BCAS1: variants seen among roughly 807,000 people sequenced by gnomAD.
BCAS1 encodes the protein breast carcinoma-amplified sequence 1.
In BCAS1, 46 loss-of-function variants were observed where a neutral mutation model predicts 65.4. That is an observed-to-expected ratio of 0.70 (90% confidence interval 0.55 to 0.90). The LOEUF (loss-of-function observed/expected upper bound fraction) is 0.90. BCAS1 is among the 40% of genes least tolerant of loss of function. The probability of loss-of-function intolerance (pLI) is 0.00; values close to 1 mark genes in which losing one functional copy is unlikely to be tolerated. For missense variants in BCAS1, 793 were observed against 771.2 expected (o/e 1.03, Z -0.33); for synonymous variants, 298 against 293.5 (o/e 1.02, Z -0.16).
intron 4 of BCAS1, among the ~76,000 whole-genome samples, chr20:54,026,891 T>C (rs1282950047): frequency 2.0e-5 from 3 of 152,232 alleles, no homozygotes; most frequent in Non-Finnish European, 2.9e-5. Flanking sequence ...GCATCTTGCA[T>C]TGCAATTGCA....
chr20:54,027,048 G>C (rs901547885), intron 4 of BCAS1, among the ~76,000 whole-genome samples: 1 of 152,134 alleles, frequency 6.6e-6, no homozygotes, highest in East Asian at 1.9e-4. Context: ...TGCATTTGGA[G>C]ACTTATTTTA....
rs114629719 is a variant in BCAS1, at chr20:53,967,245, C to T, written c.1318-172G>A. On this transcript the variant is annotated intron_variant, in intron 9 of 12. Coordinates refer to ENST00000688948, the MANE Select transcript of BCAS1 (RefSeq NM_001366298.2). ...GAGAAGTAATGCTTATGTTGTACAA[C>T]GCACCAATTTCCAAGCTCAACTGCC... 7.1e-3 allele frequency among the ~76,000 whole-genome samples: 1,077 copies of T among 152,250 alleles called. 13 individuals are homozygous for T. Among genetic ancestry groups the T allele is most frequent in the African/African-American group, 0.024 (1,008 of 41,524 alleles).
chr20:53,961,552 C>T (rs891180788), intron 10 of BCAS1, among the ~76,000 whole-genome samples: 1 of 152,168 alleles, frequency 6.6e-6, no homozygotes. Context: ...TTTAAGTAAG[C>T]CATATATTAA....
Position 54,050,360 on chromosome 20 carries a change from G to A in BCAS1, c.142+7725C>T, listed in dbSNP as rs2092189226. The stretch of plus-strand genomic sequence containing the variant: ...AAGATTAGATGTGAGCATTTGATGG[G>A]AGGAAGGGCACCGTGCCTTGTGCTG... On this transcript the variant is annotated intron_variant, in intron 3 of 12. Transcript: ENST00000688948. Among the ~76,000 whole-genome samples the A allele has an allele frequency of 2.0e-5, 3 of 152,192 alleles. No individual in the cohort carries two copies. The South Asian group carries it at 6.2e-4, about 32-fold the overall frequency.
At chr20:54,035,879 A>G (rs1439584796) in intron 3 of BCAS1, among the ~76,000 whole-genome samples, 1 of 151,330 alleles carries the variant, frequency 6.6e-6, no homozygotes, top group Non-Finnish European at 1.5e-5. Flanking sequence ...CAGCCATAAA[A>G]AGAACGAGAT....
At chr20:53,989,075 G>A (rs749293050) in intron 7 of BCAS1, among the ~76,000 whole-genome samples, 1 of 152,146 alleles carries the variant, frequency 6.6e-6, no homozygotes, top group Non-Finnish European at 1.5e-5. Flanking sequence ...CATGGTCTGT[G>A]TCTCCCCTAA....
chr20:54,054,376 T>A (rs2092265351), intron 3 of BCAS1, among the ~76,000 whole-genome samples: 1 of 152,216 alleles, frequency 6.6e-6, no homozygotes, highest in Admixed American at 6.5e-5. Flanking sequence ...TTTCTATACC[T>A]CTATACATAT....
At chr20:54,058,290 CCA>C in intron 2 of BCAS1, 136 bp from the exon 3 acceptor site, 1 of 820,474 alleles carries the variant, frequency 1.2e-6, no homozygotes, top group Non-Finnish European at 2.0e-6. Context: ...TAGAAACTCC[CCA>C]GTTTTCTATC....
At chr20:53,974,231 G>A (rs55672258) in intron 9 of BCAS1, among the ~76,000 whole-genome samples, 21,375 of 152,152 alleles carry the variant, frequency 0.14, 1,743 homozygotes, top group South Asian at 0.21. Flanking sequence ...GCCACAACCC[G>A]CTTGGGTCCC....
At chr20:54,042,573 T>C (rs193159340) in intron 3 of BCAS1, among the ~76,000 whole-genome samples, 9 of 152,298 alleles carry the variant, frequency 5.9e-5, no homozygotes, top group African/African-American at 2.2e-4. Flanking sequence ...TAAATAGACA[T>C]GCCTGGGATA....
At position 54,028,887 on chromosome 20, in the gene BCAS1, G is replaced by A. The variant is rs778133024; in HGVS notation, c.228C>T (p.Asn76=). Residue 76 remains asparagine, a synonymous_variant, in exon 4 of 13, where the codon AAC becomes AAT. Coordinates refer to ENST00000688948, the MANE Select transcript of BCAS1 (RefSeq NM_001366298.2). ...TGGCCTCTTTCCCAAGATTCTTTCCGTTGGCATCCGCAACAGCACTTATCT... is the reference window on the plus strand; with the variant it reads ...TGGCCTCTTTCCCAAGATTCTTTCCATTGGCATCCGCAACAGCACTTATCT... ...TTEISAVADA[N]GKNLGKEAKP... The A allele has an allele frequency of 2.2e-5, 35 of 1,613,866 alleles. No individual in the cohort carries two copies. The highest frequency in any genetic ancestry group is 1.4e-4 in the South Asian group (13 of 91,082).
At position 54,067,776 on chromosome 20, in the gene BCAS1, T is replaced by C. The variant is rs370777175; in HGVS notation, c.-6+2657A>G. ...CTGTTGAATGGGAGGGGGGGTGGTT[T>C]TGAAGGGTGGAATGGTGACAGAATT... On this transcript the variant is annotated intron_variant, in intron 1 of 12. Coordinates refer to ENST00000688948, the MANE Select transcript of BCAS1 (RefSeq NM_001366298.2). Among the ~76,000 whole-genome samples, 56 of 152,220 alleles carry C rather than the reference T, an allele frequency of 3.7e-4. 1 individual carries two copies. The highest frequency in any genetic ancestry group is 1.1e-3 in the African/African-American group (47 of 41,522).
chr20:54,065,117 T>TATCC (rs2092420960), intron 1 of BCAS1, among the ~76,000 whole-genome samples: 1 of 99,430 alleles, frequency 1.0e-5, no homozygotes, highest in African/African-American at 3.7e-5. Context: ...ATCTATCATC[T>TATCC]ATCTATCTAT....
intron 6 of BCAS1, among the ~76,000 whole-genome samples, chr20:53,994,506 CA>C (rs912667909): frequency 6.6e-6 from 1 of 152,124 alleles, no homozygotes; most frequent in Non-Finnish European, 1.5e-5. Context: ...ACTGCCTTTG[CA>C]GTAAAGATTT....
chr20:54,032,395 C>T (rs1232246358), intron 3 of BCAS1, among the ~76,000 whole-genome samples: 1 of 151,384 alleles, frequency 6.6e-6, no homozygotes, highest in African/African-American at 2.4e-5. Context: ...AGACCAGTGA[C>T]ATTGTAAAGC....
rs187785898 is a variant in BCAS1 at position 53,944,840 on chromosome 20, T to C, written c.*82A>G. 3 of 1,258,522 alleles carry C rather than the reference T, an allele frequency of 2.4e-6. No individual in the cohort carries two copies. The highest frequency in any genetic ancestry group is 1.5e-5 in the African/African-American group (1 of 67,986). The allele number at this position is 1,258,522 out of a possible 1,614,324, so 78.0% of individuals were successfully genotyped here. A position where few individuals can be genotyped will look rare whatever the true frequency, so the allele number is the denominator to read the frequency against. On this transcript the variant is annotated 3_prime_UTR_variant, in exon 13 of 13. Coordinates refer to ENST00000688948, the MANE Select transcript of BCAS1 (RefSeq NM_001366298.2). ...GCTGGCCATCAGAAGAATATATACA[T>C]GGAGCGTGTTTGGGGAGGAGATGGA...
intron 4 of BCAS1, among the ~76,000 whole-genome samples, chr20:54,027,811 A>G (rs2091707784): frequency 6.6e-6 from 1 of 151,712 alleles, no homozygotes; most frequent in African/African-American, 2.4e-5. Flanking sequence ...AACAAAAAAA[A>G]AACCCAAAAC....
intron 4 of BCAS1, among the ~76,000 whole-genome samples, chr20:54,027,703 T>A (rs1357143751): frequency 6.6e-6 from 1 of 152,112 alleles, no homozygotes; most frequent in African/African-American, 2.4e-5. Context: ...AATGCTCTTT[T>A]TAGTGTCAAA....
intron 8 of BCAS1, among the ~76,000 whole-genome samples, chr20:53,976,940 C>T (rs769989276): frequency 6.6e-6 from 1 of 152,096 alleles, no homozygotes; most frequent in Non-Finnish European, 1.5e-5. Flanking sequence ...TGTATTAATC[C>T]GTTTTACACT....
Sources: allele counts gnomAD v4.1 joint callset (sites outside exome capture counted in the v4.1 genomes callset), GRCh38; gene constraint gnomAD v4.1.1; transcripts MANE v1.5; gene names NCBI Gene and HGNC (gene_info 2026-07-23, HGNC 2026-07-21).